The following WASHC5 variants were observed in gnomAD, a reference collection of about 807,000 sequenced individuals.
WASHC5 encodes WASH complex subunit 5.
In WASHC5, 101 loss-of-function variants were observed where a neutral mutation model predicts 150.4. That is an observed-to-expected ratio of 0.67 (90% confidence interval 0.57 to 0.79). The LOEUF (loss-of-function observed/expected upper bound fraction) is 0.79. Ranked by LOEUF, WASHC5 falls within the 30% of genes least tolerant of loss-of-function variation. The probability of loss-of-function intolerance (pLI) is 0.00; values close to 1 mark genes in which losing one functional copy is unlikely to be tolerated. For synonymous variants in WASHC5, 467 were observed against 491.2 expected (o/e 0.95, Z 0.65); for missense variants, 1,195 against 1,396.3 (o/e 0.86, Z 2.30).
At position 125,076,473 on chromosome 8, in the gene WASHC5, G is replaced by T. The variant is rs772967274; in HGVS notation, c.739C>A (p.Arg247Ser). The change falls in exon 7 of 29, where the codon CGC (arginine) becomes AGC (serine). Residue 247 changes from arginine to serine, a missense_variant. Arg to Ser is a moderately radical substitution (Grantham distance 110). This residue lies in a region of WASHC5 where 997 missense variants were observed against 1,168.1 expected (regional missense o/e 0.85). Transcript: ENST00000318410. ...QVSAYPLPEHRSTALANQAAM... is the reference protein window; with the variant it reads ...QVSAYPLPEHSSTALANQAAM... ...GCTTGGTTTGCCAGGGCTGTGCTGCGATGCTCCGGCAAAGGATACGCTGAG... is the reference window on the plus strand; with the variant it reads ...GCTTGGTTTGCCAGGGCTGTGCTGCTATGCTCCGGCAAAGGATACGCTGAG... 1 of 1,613,956 alleles carries T rather than the reference G, an allele frequency of 6.2e-7. No individual in the cohort carries two copies. The highest frequency in any genetic ancestry group is 1.1e-5 in the South Asian group (1 of 91,062).
chr8:125,068,015 A>G (rs1816798741), intron 9 of WASHC5, among the ~76,000 whole-genome samples: 1 of 152,196 alleles, frequency 6.6e-6, no homozygotes, highest in Non-Finnish European at 1.5e-5. Flanking sequence ...GTTTATAGCA[A>G]CTGTCTAAAA....
chr8:125,071,068 G>A (rs1816883932), intron 9 of WASHC5, among the ~76,000 whole-genome samples: 1 of 152,196 alleles, frequency 6.6e-6, no homozygotes, highest in African/African-American at 2.4e-5. Flanking sequence ...GTCTTATCTG[G>A]AAGAACAAAG....
At chr8:125,065,865 C>A (rs571594849) in intron 10 of WASHC5, among the ~76,000 whole-genome samples, 158 of 152,242 alleles carry the variant, frequency 1.0e-3, no homozygotes, top group African/African-American at 3.7e-3. Context: ...GATCCACCCG[C>A]CTTAGCCTCC....
chr8:125,036,871 G>C (rs567069916), intron 26 of WASHC5, among the ~76,000 whole-genome samples: 53 of 152,148 alleles, frequency 3.5e-4, no homozygotes, highest in African/African-American at 1.0e-3. Context: ...ATATTAGATG[G>C]GCGTGGTAGT....
Position 125,083,260 on chromosome 8 carries a change from T to C in WASHC5, c.187-2A>G. ...TTTGCTTTCCCATAATTCTGGACCCTGAGAAAAAAAAACACATGTGAAATG... is the reference window on the plus strand; with the variant it reads ...TTTGCTTTCCCATAATTCTGGACCCCGAGAAAAAAAAACACATGTGAAATG... On this transcript the variant is annotated splice_acceptor_variant, in intron 2 of 28. Coordinates refer to ENST00000318410, the MANE Select transcript of WASHC5 (RefSeq NM_014846.4). LOFTEE classifies it high-confidence loss of function. 6.2e-7 allele frequency: 1 copy of C among 1,610,534 alleles called. No individual in the cohort carries two copies. The highest frequency in any genetic ancestry group is 1.1e-5 in the South Asian group (1 of 90,560).
chr8:125,086,678 A>T (rs143170884), intron 1 of WASHC5, among the ~76,000 whole-genome samples: 1 of 152,354 alleles, frequency 6.6e-6, no homozygotes, highest in African/African-American at 2.4e-5. Flanking sequence ...AGAATACTGT[A>T]GAATTAACTC....
intron 26 of WASHC5, among the ~76,000 whole-genome samples, chr8:125,036,246 A>G (rs1815700322): frequency 6.6e-6 from 1 of 152,206 alleles, no homozygotes; most frequent in East Asian, 1.9e-4. Context: ...AACATCAACC[A>G]AAAAAAGTTT....
chr8:125,080,698 A>C (rs1411411941), intron 5 of WASHC5, among the ~76,000 whole-genome samples: 1 of 152,206 alleles, frequency 6.6e-6, no homozygotes, highest in Non-Finnish European at 1.5e-5. Context: ...CAACCAATTG[A>C]AAATCTGTGC....
chr8:125,060,587 A>T (rs146162167), intron 12 of WASHC5, among the ~76,000 whole-genome samples: 1,522 of 152,162 alleles, frequency 0.01, 23 homozygotes, highest in Middle Eastern at 0.027. Context: ...GTGAGGTATA[A>T]TTTTTTTGGT....
intron 20 of WASHC5, among the ~76,000 whole-genome samples, chr8:125,045,241 C>T (rs1357766647): frequency 2.0e-5 from 3 of 152,330 alleles, no homozygotes; most frequent in East Asian, 3.9e-4. Context: ...TTTTTAGACT[C>T]AGAAGTGTGA....
intron 27 of WASHC5, among the ~76,000 whole-genome samples, chr8:125,031,306 G>A (rs892785803): frequency 3.9e-5 from 6 of 152,026 alleles, no homozygotes; most frequent in African/African-American, 1.2e-4. Flanking sequence ...ATGGAGTCTC[G>A]CTCTGTCACC....
Position 125,078,593 on chromosome 8 carries a change from TC to T in WASHC5, c.711+144del. On this transcript the variant is annotated intron_variant, in intron 6 of 28. Coordinates refer to ENST00000318410, the MANE Select transcript of WASHC5 (RefSeq NM_014846.4). ...ATTAATAACCCTCTTTCCTTTATCA[TC>T]CTGGGGTGTAGCTCAAAAGGTTTTA... 8 of 674,550 alleles carry T rather than the reference TC, an allele frequency of 1.2e-5. No individual in the cohort carries two copies. In the South Asian group the frequency reaches 1.2e-4, roughly 10 times the overall value. 41.8% of individuals were successfully genotyped at this position (674,550 alleles called of 1,614,324 possible). A position where few individuals can be genotyped will look rare whatever the true frequency, so the allele number is the denominator to read the frequency against.
chr8:125,036,253 G>C (rs1259486003), intron 26 of WASHC5, among the ~76,000 whole-genome samples: 1 of 152,166 alleles, frequency 6.6e-6, no homozygotes, highest in African/African-American at 2.4e-5. Flanking sequence ...ACCAAAAAAA[G>C]TTTCTTTCAC....
chr8:125,049,229 T>C, intron 18 of WASHC5, 44 bp from the exon 19 acceptor site: 2 of 1,595,130 alleles, frequency 1.3e-6, no homozygotes, highest in Non-Finnish European at 1.7e-6. Flanking sequence ...TGGAGTAGAT[T>C]GTCAACTATT....
At chr8:125,051,991 G>A (rs1373352382) in intron 17 of WASHC5, among the ~76,000 whole-genome samples, 3 of 152,192 alleles carry the variant, frequency 2.0e-5, no homozygotes, top group Non-Finnish European at 4.4e-5. Context: ...ACTATACACA[G>A]GAGGCCTGAG....
chr8:125,056,921 A>T (rs1816425042), intron 15 of WASHC5, 104 bp from the exon 16 acceptor site: 2 of 1,382,926 alleles, frequency 1.4e-6, no homozygotes, highest in East Asian at 2.3e-5. Flanking sequence ...GGATGCTGAA[A>T]AATGTAAAAG....
chr8:125,049,489 G>A (rs1004018969), intron 18 of WASHC5, among the ~76,000 whole-genome samples: 5 of 151,900 alleles, frequency 3.3e-5, no homozygotes, highest in East Asian at 1.9e-4. Flanking sequence ...CCTGGGAGGC[G>A]GAGGCTGCAG....
intron 27 of WASHC5, among the ~76,000 whole-genome samples, chr8:125,031,506 T>C (rs953444343): frequency 1.3e-5 from 2 of 152,158 alleles, no homozygotes; most frequent in African/African-American, 4.8e-5. Flanking sequence ...CCTGAACTCC[T>C]GACCTCAAGT....
At chr8:125,050,432 G>A (rs567374318) in intron 18 of WASHC5, 132 bp downstream of exon 18, 3 of 575,802 alleles carry the variant, frequency 5.2e-6, no homozygotes, top group Non-Finnish European at 9.5e-6. Context: ...AGTTGTTTGT[G>A]TTGAAAATCA....
Sources: allele counts gnomAD v4.1 joint callset (sites outside exome capture counted in the v4.1 genomes callset), GRCh38; gene constraint gnomAD v4.1.1; regional missense constraint gnomAD v4.1.1; transcripts MANE v1.5; gene names NCBI Gene and HGNC (gene_info 2026-07-23, HGNC 2026-07-21).